The following DLG2 variants were observed in gnomAD, a reference collection of about 807,000 sequenced individuals.
The protein encoded by DLG2 is disks large homolog 2.
A neutral mutation model predicts 132.5 loss-of-function variants in DLG2; 45 were observed. The observed-to-expected ratio is 0.34, with a 90% CI of 0.27 to 0.44. DLG2 has a LOEUF of 0.44. Ranked by LOEUF, DLG2 falls within the 20% of genes least tolerant of loss-of-function variation. The probability of loss-of-function intolerance (pLI) is 1.00; values close to 1 mark genes in which losing one functional copy is unlikely to be tolerated. For missense variants in DLG2, 1,045 were observed against 1,196.9 expected (o/e 0.87, Z 1.87); for synonymous variants, 424 against 419.6 (o/e 1.01, Z -0.13).
At chr11:84,554,768 G>GTCAA in intron 6 of DLG2, among the ~76,000 whole-genome samples, 1 of 151,732 alleles carries the variant, frequency 6.6e-6, no homozygotes, top group Admixed American at 6.6e-5. Context: ...TAATAATGAA[G>GTCAA]GAAATAAAGT....
Position 83,700,905 on chromosome 11 carries a change from T to C in DLG2, c.1826-67580A>G, listed in dbSNP as rs189271454. Among the ~76,000 whole-genome samples, 5 of 152,350 alleles carry C rather than the reference T, an allele frequency of 3.3e-5. 1 individual carries two copies. The East Asian group carries it at 9.6e-4, about 29-fold the overall frequency. ...ATTGTAACCCAAACAATTGCTCTAG[T>C]AGTGCCTGCTTTACTTAGGGTTATG... is the stretch of plus-strand genomic sequence containing the variant. On this transcript the variant is annotated intron_variant, in intron 18 of 27. Transcript: ENST00000376104.
intron 6 of DLG2, among the ~76,000 whole-genome samples, chr11:84,939,682 C>T (rs868228325): frequency 3.3e-5 from 5 of 152,128 alleles, no homozygotes; most frequent in Admixed American, 2.6e-4. Flanking sequence ...AAGTTTGTCT[C>T]TCTGTGCTTG....
chr11:84,630,093 AG>A (rs1179971190), intron 6 of DLG2, among the ~76,000 whole-genome samples: 1 of 152,144 alleles, frequency 6.6e-6, no homozygotes, highest in Non-Finnish European at 1.5e-5. Context: ...CTACCTAAGA[AG>A]GATTTCAGGC....
chr11:85,571,037 A>G (rs1428326090), intron 3 of DLG2, among the ~76,000 whole-genome samples: 1 of 151,952 alleles, frequency 6.6e-6, no homozygotes, highest in Non-Finnish European at 1.5e-5. Context: ...ACATGGTTCA[A>G]TTTAGTCTTT....
At chr11:85,392,715 T>C (rs1360791086) in intron 3 of DLG2, among the ~76,000 whole-genome samples, 1 of 151,976 alleles carries the variant, frequency 6.6e-6, no homozygotes, top group Non-Finnish European at 1.5e-5. Context: ...AATCATAAAG[T>C]GGGAAAAGGA....
chr11:83,936,566 T>G (rs1269737587), intron 14 of DLG2, among the ~76,000 whole-genome samples: 1 of 152,232 alleles, frequency 6.6e-6, no homozygotes, highest in African/African-American at 2.4e-5. Flanking sequence ...CACTATTTTT[T>G]CTATGTAAAC....
chr11:84,580,927 C>G (rs994782437), intron 6 of DLG2, among the ~76,000 whole-genome samples: 1 of 152,034 alleles, frequency 6.6e-6, no homozygotes, highest in African/African-American at 2.4e-5. Flanking sequence ...AAAGAATACT[C>G]AGAATACTGT....
intron 6 of DLG2, among the ~76,000 whole-genome samples, chr11:84,642,069 T>G (rs537453124): frequency 7.0e-6 from 1 of 143,528 alleles, no homozygotes; most frequent in African/African-American, 2.7e-5. Flanking sequence ...CGCACGCGTG[T>G]GTGTGTGTGT....
chr11:84,006,387 G>A (rs1166124413), intron 11 of DLG2, among the ~76,000 whole-genome samples: 2 of 151,552 alleles, frequency 1.3e-5, no homozygotes, highest in Non-Finnish European at 3.0e-5. Context: ...GAGTAGAGTG[G>A]CTATAGTTAA....
At chr11:84,548,365 G>C (rs1001890897) in intron 6 of DLG2, among the ~76,000 whole-genome samples, 11 of 151,958 alleles carry the variant, frequency 7.2e-5, no homozygotes, top group Non-Finnish European at 1.5e-4. Flanking sequence ...TGCCATGTTG[G>C]TGTGCTGCAC....
chr11:85,541,577 C>T (rs2075978875), intron 3 of DLG2, among the ~76,000 whole-genome samples: 1 of 151,720 alleles, frequency 6.6e-6, no homozygotes, highest in African/African-American at 2.4e-5. Flanking sequence ...TCTCCAAACC[C>T]TTTGAGATGG....
At chr11:85,471,967 A>T (rs1194253365) in intron 3 of DLG2, among the ~76,000 whole-genome samples, 1 of 152,234 alleles carries the variant, frequency 6.6e-6, no homozygotes, top group Non-Finnish European at 1.5e-5. Flanking sequence ...AGATAATAAC[A>T]GAATAATATC....
chr11:85,175,620 A>C (rs1420226956), intron 4 of DLG2, among the ~76,000 whole-genome samples: 1 of 152,198 alleles, frequency 6.6e-6, no homozygotes, highest in Non-Finnish European at 1.5e-5. Context: ...CAGGGCAAAC[A>C]GGCAACAGAA....
At chr11:84,861,333 C>G (rs10792786) in intron 6 of DLG2, among the ~76,000 whole-genome samples, 1 of 151,844 alleles carries the variant, frequency 6.6e-6, no homozygotes. Flanking sequence ...AGTTGCTAGA[C>G]TGGTATGGCT....
chr11:84,103,571 G>C (rs1380474482), intron 9 of DLG2, among the ~76,000 whole-genome samples: 1 of 152,118 alleles, frequency 6.6e-6, no homozygotes, highest in Non-Finnish European at 1.5e-5. Context: ...CATGACAGAT[G>C]AATGTCACTG....
At chr11:84,796,786 GTTAT>G (rs1481061524) in intron 6 of DLG2, among the ~76,000 whole-genome samples, 5 of 151,270 alleles carry the variant, frequency 3.3e-5, no homozygotes, top group Admixed American at 2.6e-4. Flanking sequence ...TCCTTTGTAT[GTTAT>G]TTGTGTCTTT....
chr11:84,141,891 A>C (rs995506694), intron 9 of DLG2, among the ~76,000 whole-genome samples: 2 of 152,118 alleles, frequency 1.3e-5, no homozygotes, highest in Admixed American at 1.3e-4. Context: ...ATTCTAAGAA[A>C]AGAACAGTAC....
intron 18 of DLG2, among the ~76,000 whole-genome samples, chr11:83,733,178 T>C (rs554990483): frequency 1.4e-5 from 2 of 142,454 alleles, no homozygotes; most frequent in African/African-American, 5.3e-5. Context: ...GAGGCAGAGG[T>C]TGCAGGGAGC....
chr11:84,713,404 G>A (rs186511577), intron 6 of DLG2, among the ~76,000 whole-genome samples: 80 of 152,214 alleles, frequency 5.3e-4, no homozygotes, highest in Non-Finnish European at 1.0e-3. Flanking sequence ...AACACTGTCT[G>A]ACAACTGGTA....
Sources: allele counts gnomAD v4.1 joint callset (sites outside exome capture counted in the v4.1 genomes callset), GRCh38; gene constraint gnomAD v4.1.1; transcripts MANE v1.5; gene names NCBI Gene and HGNC (gene_info 2026-07-23, HGNC 2026-07-21).